Variants in GALNT13 observed in about 807,000 individuals in gnomAD.
The protein encoded by GALNT13 is UDP-GalNAc:polypeptide N-acetylgalactosaminyltransferase 13.
GALNT13 carries 28 observed loss-of-function variants against 64.2 expected under a neutral mutation model. That is an observed-to-expected ratio of 0.44 (90% CI 0.32 to 0.60). The LOEUF (loss-of-function observed/expected upper bound fraction) is 0.60. GALNT13 is among the 20% of genes least tolerant of loss of function. The pLI, the probability that GALNT13 is intolerant of heterozygous loss-of-function variation, is 0.05. For synonymous variants in GALNT13, 214 were observed against 224.6 expected (o/e 0.95, Z 0.42); for missense variants, 577 against 669.8 (o/e 0.86, Z 1.53).
the GALNT13 span, among the ~76,000 whole-genome samples, chr2:153,095,370 A>G: frequency 6.6e-6 from 1 of 152,248 alleles, no homozygotes; most frequent in Non-Finnish European, 1.5e-5. Context: ...AATGGCGATC[A>G]TTAAAAAGTC....
chr2:154,262,481 T>C (rs550700124), intron 8 of GALNT13, among the ~76,000 whole-genome samples: 1 of 152,310 alleles, frequency 6.6e-6, no homozygotes, highest in East Asian at 1.9e-4. Context: ...ATCAGGTATA[T>C]CTACCAGAGA....
chr2:153,428,946 C>A, the GALNT13 span, among the ~76,000 whole-genome samples: 4 of 152,150 alleles, frequency 2.6e-5, no homozygotes, highest in Non-Finnish European at 5.9e-5. Flanking sequence ...AAGTAGGCAA[C>A]ATTCTTGTCC....
the GALNT13 span, among the ~76,000 whole-genome samples, chr2:153,532,114 C>T: frequency 6.6e-6 from 1 of 152,064 alleles, no homozygotes; most frequent in Non-Finnish European, 1.5e-5. Flanking sequence ...TCCAACCACA[C>T]ATTTTCCCAC....
the GALNT13 span, among the ~76,000 whole-genome samples, chr2:153,362,620 A>G: frequency 6.6e-6 from 1 of 151,572 alleles, no homozygotes. Flanking sequence ...ACTTTAAACC[A>G]ACAAAGATCA....
the GALNT13 span, among the ~76,000 whole-genome samples, chr2:153,842,444 G>A: frequency 2.0e-5 from 3 of 152,030 alleles, no homozygotes; most frequent in African/African-American, 7.2e-5. Flanking sequence ...TTTAGGAACC[G>A]AGAAGTGTCA....
intron 12 of GALNT13, among the ~76,000 whole-genome samples, chr2:154,441,010 A>G (rs913722169): frequency 6.6e-6 from 1 of 152,174 alleles, no homozygotes; most frequent in African/African-American, 2.4e-5. Context: ...TTCCAGGAGT[A>G]GTAGCATCAC....
At chr2:154,382,036 T>A (rs886642239) in intron 9 of GALNT13, among the ~76,000 whole-genome samples, 2 of 152,130 alleles carry the variant, frequency 1.3e-5, no homozygotes, top group African/African-American at 4.8e-5. Flanking sequence ...AGCTATGATA[T>A]AATTCAAAAT....
At chr2:154,325,850 C>T (rs1694849857) in intron 9 of GALNT13, among the ~76,000 whole-genome samples, 1 of 152,072 alleles carries the variant, frequency 6.6e-6, no homozygotes, top group Admixed American at 6.6e-5. Context: ...TAGAGATCAG[C>T]TGTGAGGGTA....
chr2:153,942,467 T>G (rs760171730), intron 2 of GALNT13, among the ~76,000 whole-genome samples: 4 of 152,134 alleles, frequency 2.6e-5, no homozygotes, highest in Non-Finnish European at 4.4e-5. Flanking sequence ...CTTGAATTGT[T>G]TCATATCTCA....
chr2:153,492,802 A>G, the GALNT13 span, among the ~76,000 whole-genome samples: 1 of 152,222 alleles, frequency 6.6e-6, no homozygotes, highest in East Asian at 1.9e-4. Flanking sequence ...TGGGTCCCAA[A>G]ATTAGTTTTA....
At chr2:153,727,394 G>A in the GALNT13 span, among the ~76,000 whole-genome samples, 4 of 152,150 alleles carry the variant, frequency 2.6e-5, no homozygotes, top group Non-Finnish European at 4.4e-5. Flanking sequence ...TACTGTTGAT[G>A]CATTTGGTAC....
At chr2:154,354,104 A>G (rs951488535) in intron 9 of GALNT13, among the ~76,000 whole-genome samples, 1 of 152,140 alleles carries the variant, frequency 6.6e-6, no homozygotes, top group Non-Finnish European at 1.5e-5. Flanking sequence ...AGCCATATTA[A>G]TGGGTGTGAG....
At chr2:153,110,614 A>G in the GALNT13 span, among the ~76,000 whole-genome samples, 3 of 152,056 alleles carry the variant, frequency 2.0e-5, no homozygotes, top group Non-Finnish European at 1.5e-5. Flanking sequence ...CTTAGGCAGG[A>G]GACTAATGTC....
intron 4 of GALNT13, among the ~76,000 whole-genome samples, chr2:154,235,862 A>G (rs975006136): frequency 6.6e-6 from 1 of 152,176 alleles, no homozygotes; most frequent in Non-Finnish European, 1.5e-5. Flanking sequence ...TTTTGAAAGG[A>G]TAAAATCAAA....
chr2:153,680,759 T>C, the GALNT13 span, among the ~76,000 whole-genome samples: 3 of 152,028 alleles, frequency 2.0e-5, no homozygotes, highest in Admixed American at 6.6e-5. Context: ...TGTGCCACAG[T>C]CCCTTTCTCT....
chr2:153,131,725 A>G, the GALNT13 span, among the ~76,000 whole-genome samples: 1 of 152,168 alleles, frequency 6.6e-6, no homozygotes, highest in Non-Finnish European at 1.5e-5. Flanking sequence ...TAAAAGTGCA[A>G]ATACACCTGG....
At chr2:153,883,663 G>C (rs1686937968) in intron 1 of GALNT13, among the ~76,000 whole-genome samples, 1 of 151,918 alleles carries the variant, frequency 6.6e-6, no homozygotes, top group South Asian at 2.1e-4. Context: ...AGAAATGGAG[G>C]GTTTGGTTGG....
the GALNT13 span, among the ~76,000 whole-genome samples, chr2:153,074,947 G>C: frequency 6.6e-6 from 1 of 152,072 alleles, no homozygotes; most frequent in African/African-American, 2.4e-5. Flanking sequence ...TGCCCAGCCT[G>C]GTCTGGAACT....
At chr2:154,309,483 C>A (rs1488424449) in intron 9 of GALNT13, among the ~76,000 whole-genome samples, 1 of 152,100 alleles carries the variant, frequency 6.6e-6, no homozygotes, top group African/African-American at 2.4e-5. Flanking sequence ...TCAGGCAGCC[C>A]ATCTGGTGAG....
Sources: gnomAD v4.1 joint callset for allele counts (sites outside exome capture counted in the v4.1 genomes callset) on GRCh38, gnomAD v4.1.1 for gene constraint, MANE v1.5 for transcripts, NCBI Gene and HGNC (gene_info 2026-07-23, HGNC 2026-07-21) for gene names.